CFAP90: variants seen among roughly 807,000 people sequenced by gnomAD.
CFAP90 encodes the protein cilia- and flagella-associated protein 90.
the CFAP90 span, among the ~76,000 whole-genome samples, chr5:7,843,204 G>C: frequency 2.0e-5 from 3 of 152,192 alleles, no homozygotes; most frequent in Admixed American, 1.3e-4. Context: ...AATAAATCCA[G>C]AGCATCTCCT....
At chr5:7,847,537 C>T in the CFAP90 span, among the ~76,000 whole-genome samples, 13 of 152,186 alleles carry the variant, frequency 8.5e-5, no homozygotes, top group Non-Finnish European at 1.5e-4. Flanking sequence ...CAGCTCTCTG[C>T]GGTAACCACA....
chr5:7,847,088 T>C, the CFAP90 span, among the ~76,000 whole-genome samples: 6 of 152,324 alleles, frequency 3.9e-5, no homozygotes, highest in South Asian at 1.2e-3. Flanking sequence ...GAATTTACCC[T>C]CTTTATTCCA....
At chr5:7,835,660 G>A in the CFAP90 span, among the ~76,000 whole-genome samples, 8 of 152,094 alleles carry the variant, frequency 5.3e-5, no homozygotes, top group Non-Finnish European at 2.9e-5. Context: ...CAGCTGTGAC[G>A]TGGAGCAGGG....
the CFAP90 span, chr5:7,835,491 A>G: frequency 2.0e-5 from 31 of 1,538,442 alleles, no homozygotes; most frequent in Middle Eastern, 1.7e-4. Context: ...GAGGGAAATA[A>G]TTCCTGTCTA....
the CFAP90 span, among the ~76,000 whole-genome samples, chr5:7,834,825 T>G: frequency 6.6e-6 from 1 of 152,150 alleles, no homozygotes; most frequent in Non-Finnish European, 1.5e-5. Context: ...TGGAGTAAGC[T>G]ATGTCATCTA....
the CFAP90 span, among the ~76,000 whole-genome samples, chr5:7,842,324 A>C: frequency 8.6e-5 from 13 of 151,876 alleles, no homozygotes; most frequent in Non-Finnish European, 1.8e-4. Flanking sequence ...AAAAAAAAAA[A>C]AACAACAGAA....
chr5:7,837,826 CCA>C, the CFAP90 span, among the ~76,000 whole-genome samples: 6 of 152,234 alleles, frequency 3.9e-5, no homozygotes, highest in African/African-American at 9.6e-5. Flanking sequence ...CCCTGGCCAG[CCA>C]CTGCGGGATC....
the CFAP90 span, among the ~76,000 whole-genome samples, chr5:7,833,454 G>GCA: frequency 1.3e-5 from 2 of 151,372 alleles, no homozygotes; most frequent in Admixed American, 6.6e-5. Flanking sequence ...TCACAAGCAG[G>GCA]CACACACACA....
the CFAP90 span, among the ~76,000 whole-genome samples, chr5:7,841,417 C>T: frequency 5.9e-5 from 9 of 152,204 alleles, no homozygotes; most frequent in East Asian, 7.7e-4. Context: ...GACAGTGTGG[C>T]GACTCCTCAA....
At chr5:7,844,996 GA>G in the CFAP90 span, among the ~76,000 whole-genome samples, 1 of 152,130 alleles carries the variant, frequency 6.6e-6, no homozygotes, top group East Asian at 1.9e-4. Context: ...AATTTATAAA[GA>G]AAAAAAGGTT....
At chr5:7,850,414 C>T in the CFAP90 span, among the ~76,000 whole-genome samples, 2 of 151,908 alleles carry the variant, frequency 1.3e-5, no homozygotes, top group Non-Finnish European at 2.9e-5. Flanking sequence ...TCTGTGAGCT[C>T]TGTCCCCGAT....
chr5:7,846,092 C>T, the CFAP90 span, among the ~76,000 whole-genome samples: 1 of 152,034 alleles, frequency 6.6e-6, no homozygotes, highest in African/African-American at 2.4e-5. Context: ...TTACTATGTG[C>T]TACTTTGCAT....
chr5:7,834,633 G>C, the CFAP90 span, among the ~76,000 whole-genome samples: 1 of 152,050 alleles, frequency 6.6e-6, no homozygotes, highest in African/African-American at 2.4e-5. Flanking sequence ...TTCATTCATG[G>C]TAAGTAAATG....
the CFAP90 span, among the ~76,000 whole-genome samples, chr5:7,836,919 T>C: frequency 1.3e-5 from 2 of 152,026 alleles, no homozygotes; most frequent in African/African-American, 2.4e-5. Context: ...ACTTGAGCCT[T>C]CTTCTTGAGG....
chr5:7,849,783 C>T, the CFAP90 span, among the ~76,000 whole-genome samples: 8 of 151,780 alleles, frequency 5.3e-5, no homozygotes, highest in East Asian at 1.9e-4. Flanking sequence ...GCAGGCGGCT[C>T]GCCAGCTATT....
the CFAP90 span, among the ~76,000 whole-genome samples, chr5:7,833,166 T>A: frequency 6.6e-6 from 1 of 152,172 alleles, no homozygotes; most frequent in East Asian, 1.9e-4. Context: ...GAGGGAACTA[T>A]ATATAATAGT....
chr5:7,844,023 A>T, the CFAP90 span, among the ~76,000 whole-genome samples: 2 of 152,170 alleles, frequency 1.3e-5, no homozygotes, highest in East Asian at 3.9e-4. Flanking sequence ...GTTTCGTACC[A>T]TGTGAAAGGT....
the CFAP90 span, among the ~76,000 whole-genome samples, chr5:7,834,703 T>C: frequency 6.6e-6 from 1 of 152,186 alleles, no homozygotes; most frequent in Admixed American, 6.5e-5. Context: ...TTTTTATGTT[T>C]AGATACAAAA....
At chr5:7,834,438 G>T in the CFAP90 span, among the ~76,000 whole-genome samples, 14 of 152,218 alleles carry the variant, frequency 9.2e-5, no homozygotes, top group African/African-American at 3.1e-4. Flanking sequence ...AGTTTATAAG[G>T]TTAAGAAGTT....
Sources: gnomAD v4.1 joint callset for allele counts (sites outside exome capture counted in the v4.1 genomes callset) on GRCh38, gnomAD v4.1.1 for gene constraint, MANE v1.5 for transcripts, NCBI Gene and HGNC (gene_info 2026-07-23, HGNC 2026-07-21) for gene names.